Variants in ADAMTS12 observed in about 807,000 individuals in gnomAD.
ADAMTS12 encodes the protein A disintegrin and metalloproteinase with thrombospondin motifs 12.
Under a neutral mutation model 167.8 loss-of-function variants are expected in ADAMTS12, and 118 were observed. That is an observed-to-expected ratio of 0.70 (90% CI 0.61 to 0.82). The LOEUF (loss-of-function observed/expected upper bound fraction) is 0.82, where lower values mean the gene tolerates loss of function less well. ADAMTS12 is among the 40% of genes least tolerant of loss of function. The pLI is 0.00. For missense variants in ADAMTS12, 1,916 were observed against 1,998.8 expected, an observed-to-expected ratio of 0.96 and a Z score of 0.79; for synonymous variants, 704 against 716.9, an observed-to-expected ratio of 0.98 and a Z score of 0.29.
At chr5:33,534,687 G>T in intron 23 of ADAMTS12, 146 bp downstream of exon 23, 1 of 1,066,714 alleles carries the variant, frequency 9.4e-7, no homozygotes, top group Non-Finnish European at 1.3e-6. Flanking sequence ...AGATCAGATA[G>T]TTTGTTCCCA....
intron 20 of ADAMTS12, among the ~76,000 whole-genome samples, chr5:33,556,382 T>G (rs995142485): frequency 6.6e-5 from 10 of 152,186 alleles, no homozygotes; most frequent in African/African-American, 2.2e-4. Flanking sequence ...TTCAGACAGA[T>G]TAATGCACGA....
intron 19 of ADAMTS12, among the ~76,000 whole-genome samples, chr5:33,569,624 G>GA (rs1207743222): frequency 6.6e-6 from 1 of 152,144 alleles, no homozygotes; most frequent in South Asian, 2.1e-4. Context: ...ACCAAAAGTA[G>GA]ATAAAACCAC....
intron 2 of ADAMTS12, among the ~76,000 whole-genome samples, chr5:33,752,971 A>G (rs1745045136): frequency 6.6e-6 from 1 of 152,242 alleles, no homozygotes; most frequent in Non-Finnish European, 1.5e-5. Context: ...TCAGCTTCCT[A>G]TTTTGATTGC....
At chr5:33,787,202 C>T (rs570146572) in intron 2 of ADAMTS12, among the ~76,000 whole-genome samples, 1 of 152,090 alleles carries the variant, frequency 6.6e-6, no homozygotes, top group South Asian at 2.1e-4. Flanking sequence ...TTGTAGTCAC[C>T]TCCTATTGAT....
intron 12 of ADAMTS12, among the ~76,000 whole-genome samples, chr5:33,635,797 G>A (rs1740160688): frequency 6.6e-6 from 1 of 152,148 alleles, no homozygotes; most frequent in Non-Finnish European, 1.5e-5. Flanking sequence ...AGAGTATAAT[G>A]GGGAAAGTCA....
rs762232547 is a variant in ADAMTS12, at chr5:33,730,289, GGTGTGT to G, written c.634+21109_634+21114del. 3.1e-3 allele frequency among the ~76,000 whole-genome samples: 448 copies of G among 144,256 alleles called. 4 individuals are homozygous for G. Among genetic ancestry groups the G allele is most frequent in the African/African-American group, 0.011 (420 of 39,126 alleles). 94.6% of individuals were successfully genotyped at this position (144,256 alleles called of 152,430 possible). On this transcript the variant is annotated intron_variant, in intron 3 of 23. Coordinates refer to ENST00000504830, the MANE Select transcript of ADAMTS12 (RefSeq NM_030955.4). ...CTATTATGAGATCAGAGTCCATTAG[GGTGTGT>G]GTGTGTGTGTGTGTGTGTGTGTGTG...
intron 16 of ADAMTS12, among the ~76,000 whole-genome samples, chr5:33,599,920 C>A (rs77693632): frequency 0.028 from 4,216 of 152,232 alleles, 214 homozygotes; most frequent in African/African-American, 0.097. Flanking sequence ...ACACATTCAG[C>A]TAAGTCTATG....
At chr5:33,889,324 G>A (rs942244145) in intron 1 of ADAMTS12, among the ~76,000 whole-genome samples, 1 of 152,140 alleles carries the variant, frequency 6.6e-6, no homozygotes, top group Non-Finnish European at 1.5e-5. Context: ...AAGAATGGGT[G>A]AGATGATCCT....
intron 20 of ADAMTS12, among the ~76,000 whole-genome samples, chr5:33,557,502 GA>G (rs1745538408): frequency 6.6e-6 from 1 of 152,004 alleles, no homozygotes; most frequent in Non-Finnish European, 1.5e-5. Context: ...ACATCCATAT[GA>G]AAAAGGGGTC....
In ADAMTS12 at chr5:33,801,018, G is replaced by A. The variant is rs576808096; in HGVS notation, c.490-49470C>T. On this transcript the variant is annotated intron_variant, in intron 2 of 23. Transcript: ENST00000504830. ...CAGAAGATTTGACACACACAGAAGA[G>A]GAGAAGGTGCTGGAACCATGGAGTC... is the stretch of plus-strand genomic sequence containing the variant. Among the ~76,000 whole-genome samples the A allele has an allele frequency of 5.3e-5, 8 of 152,282 alleles. No homozygotes were observed. In the East Asian group the frequency reaches 1.5e-3, roughly 29 times the overall value.
At chr5:33,647,407 T>C (rs1740710719) in intron 9 of ADAMTS12, among the ~76,000 whole-genome samples, 1 of 152,120 alleles carries the variant, frequency 6.6e-6, no homozygotes, top group Non-Finnish European at 1.5e-5. Context: ...TTCAGGGAAC[T>C]GCTATAGTCA....
At chr5:33,679,380 G>A (rs1210046791) in intron 5 of ADAMTS12, among the ~76,000 whole-genome samples, 1 of 152,166 alleles carries the variant, frequency 6.6e-6, no homozygotes, top group Non-Finnish European at 1.5e-5. Context: ...CATGGCTTGG[G>A]AGGCCTCAGG....
chr5:33,864,493 T>C (rs981877929), intron 2 of ADAMTS12, among the ~76,000 whole-genome samples: 11 of 152,192 alleles, frequency 7.2e-5, no homozygotes, highest in Non-Finnish European at 1.0e-4. Flanking sequence ...ACTGGGTATA[T>C]ACCCAAAGGA....
chr5:33,670,361 A>T (rs1344544893), intron 5 of ADAMTS12, among the ~76,000 whole-genome samples: 1 of 152,220 alleles, frequency 6.6e-6, no homozygotes, highest in Non-Finnish European at 1.5e-5. Flanking sequence ...GCTGGTGAGG[A>T]TGAGGTAAAA....
chr5:33,665,275 T>C (rs1223247062), intron 5 of ADAMTS12, among the ~76,000 whole-genome samples: 1 of 152,096 alleles, frequency 6.6e-6, no homozygotes. Flanking sequence ...ATTCAAAATT[T>C]CAGTTTAGAT....
chr5:33,796,129 C>G (rs540963603), intron 2 of ADAMTS12, among the ~76,000 whole-genome samples: 1 of 152,214 alleles, frequency 6.6e-6, no homozygotes, highest in South Asian at 2.1e-4. Flanking sequence ...CACATACGTA[C>G]TGTGGATATG....
intron 8 of ADAMTS12, among the ~76,000 whole-genome samples, 178 bp from the exon 9 acceptor site, chr5:33,649,144 T>C (rs1020461071): frequency 2.0e-5 from 3 of 152,224 alleles, no homozygotes; most frequent in Non-Finnish European, 4.4e-5. Flanking sequence ...ATGCAAATCA[T>C]ATCCCACAAC....
intron 22 of ADAMTS12, among the ~76,000 whole-genome samples, chr5:33,538,385 G>A (rs116027394): frequency 0.011 from 1,684 of 152,220 alleles, 32 homozygotes; most frequent in African/African-American, 0.038. Flanking sequence ...CCCTTGACAC[G>A]TGAGAATTAC....
chr5:33,620,303 G>T (rs538373406), intron 14 of ADAMTS12, among the ~76,000 whole-genome samples: 12 of 152,312 alleles, frequency 7.9e-5, no homozygotes, highest in Admixed American at 6.5e-4. Context: ...CATCACTAGT[G>T]GCACTTTGTA....
Sources: allele counts gnomAD v4.1 joint callset (sites outside exome capture counted in the v4.1 genomes callset), GRCh38; gene constraint gnomAD v4.1.1; transcripts MANE v1.5; gene names NCBI Gene and HGNC (gene_info 2026-07-23, HGNC 2026-07-21).